ADGRL3: variants seen among roughly 807,000 people sequenced by gnomAD.
ADGRL3 encodes the protein calcium-independent alpha-latrotoxin receptor 3.
In ADGRL3, 62 loss-of-function variants were observed where a neutral mutation model predicts 153.5. The ratio of observed to expected loss-of-function variants is 0.40; its 90% CI spans 0.33 to 0.50. The LOEUF (loss-of-function observed/expected upper bound fraction) is 0.50, where lower values mean the gene tolerates loss of function less well. ADGRL3 is among the 20% of genes least tolerant of loss of function. The pLI is 0.47. For missense variants in ADGRL3, 1,641 were observed against 1,859.4 expected (o/e 0.88, Z 2.16); for synonymous variants, 710 against 672.5 (o/e 1.06, Z -0.86).
intron 11 of ADGRL3, among the ~76,000 whole-genome samples, chr4:61,907,200 T>C (rs2098699910): frequency 6.6e-6 from 1 of 152,060 alleles, no homozygotes; most frequent in African/African-American, 2.4e-5. Flanking sequence ...TTCCCAAAAG[T>C]AAGAGGAGGA....
intron 1 of ADGRL3, among the ~76,000 whole-genome samples, chr4:61,380,085 T>C (rs1188585932): frequency 6.6e-6 from 1 of 151,980 alleles, no homozygotes; most frequent in Admixed American, 6.6e-5. Context: ...AAAATGTATG[T>C]AAATTATTTA....
chr4:61,656,865 CTGCT>C (rs1441447002), intron 5 of ADGRL3, among the ~76,000 whole-genome samples: 1 of 152,130 alleles, frequency 6.6e-6, no homozygotes, highest in Non-Finnish European at 1.5e-5. Flanking sequence ...GACATTTCAG[CTGCT>C]TAATTTTTCT....
At chr4:61,779,239 A>G (rs1460459090) in intron 8 of ADGRL3, among the ~76,000 whole-genome samples, 3 of 152,146 alleles carry the variant, frequency 2.0e-5, no homozygotes, top group African/African-American at 7.2e-5. Context: ...GATTACACTT[A>G]ACTGAATTTT....
intron 4 of ADGRL3, among the ~76,000 whole-genome samples, chr4:61,562,591 G>T (rs2148995748): frequency 6.6e-6 from 1 of 152,138 alleles, no homozygotes; most frequent in African/African-American, 2.4e-5. Context: ...AAACTACTTT[G>T]CTCATCCCCA....
chr4:61,812,479 A>G (rs1481877367), intron 8 of ADGRL3, among the ~76,000 whole-genome samples: 1 of 152,212 alleles, frequency 6.6e-6, no homozygotes, highest in African/African-American at 2.4e-5. Context: ...TGTATCATTA[A>G]CTTTCCTTGT....
At chr4:62,048,619 T>A (rs1732451751) in intron 25 of ADGRL3, among the ~76,000 whole-genome samples, 1 of 152,092 alleles carries the variant, frequency 6.6e-6, no homozygotes, top group Non-Finnish European at 1.5e-5. Context: ...TGCAATAGCA[T>A]GATCATAGCT....
chr4:61,954,124 T>C, intron 17 of ADGRL3, among the ~76,000 whole-genome samples: 1 of 152,182 alleles, frequency 6.6e-6, no homozygotes, highest in East Asian at 1.9e-4. Flanking sequence ...GATATAACTA[T>C]TCTAGAACTA....
intron 4 of ADGRL3, among the ~76,000 whole-genome samples, chr4:61,532,133 T>A (rs2098622057): frequency 6.6e-6 from 1 of 152,202 alleles, no homozygotes; most frequent in Non-Finnish European, 1.5e-5. Context: ...AGGCATACCT[T>A]AATTTATACA....
At chr4:61,278,190 A>C (rs1012809594) in intron 1 of ADGRL3, among the ~76,000 whole-genome samples, 15 of 152,092 alleles carry the variant, frequency 9.9e-5, no homozygotes, top group African/African-American at 3.6e-4. Flanking sequence ...GCCTATAGTT[A>C]TGTCATGAAT....
intron 4 of ADGRL3, among the ~76,000 whole-genome samples, chr4:61,564,242 G>A (rs2098807562): frequency 1.3e-5 from 2 of 151,852 alleles, no homozygotes; most frequent in African/African-American, 4.8e-5. Context: ...TCGTTTTGGG[G>A]GGCTTTGTTT....
At chr4:61,657,156 C>T (rs1435840497) in intron 5 of ADGRL3, among the ~76,000 whole-genome samples, 1 of 152,122 alleles carries the variant, frequency 6.6e-6, no homozygotes, top group Non-Finnish European at 1.5e-5. Context: ...TAGAGTTCTC[C>T]ATTTTCCCCA....
chr4:61,372,867 T>A (rs1433237244), intron 1 of ADGRL3, among the ~76,000 whole-genome samples: 1 of 152,134 alleles, frequency 6.6e-6, no homozygotes, highest in East Asian at 1.9e-4. Context: ...ACTGCTGTGC[T>A]AGCAATCAGC....
At chr4:61,579,544 A>G (rs779150377) in intron 4 of ADGRL3, 2 of 497,920 alleles carry the variant, frequency 4.0e-6, no homozygotes, top group Non-Finnish European at 7.9e-6. Flanking sequence ...ATCCTCAGGT[A>G]GACGATTTCA....
intron 8 of ADGRL3, among the ~76,000 whole-genome samples, chr4:61,801,742 A>G (rs2097500220): frequency 6.6e-6 from 1 of 152,128 alleles, no homozygotes; most frequent in African/African-American, 2.4e-5. Flanking sequence ...TATATTTGTT[A>G]AGGGATTTGT....
intron 1 of ADGRL3, among the ~76,000 whole-genome samples, chr4:61,265,448 T>TC (rs968162294): frequency 6.6e-6 from 1 of 151,832 alleles, no homozygotes; most frequent in African/African-American, 2.4e-5. Flanking sequence ...ACTTCCTATA[T>TC]CCCTGGGACA....
intron 1 of ADGRL3, among the ~76,000 whole-genome samples, chr4:61,311,593 C>T (rs1383436147): frequency 6.6e-6 from 1 of 152,140 alleles, no homozygotes; most frequent in African/African-American, 2.4e-5. Context: ...GTTACTCACA[C>T]CTAACTACCT....
chr4:61,706,406 A>G (rs1384046500), intron 6 of ADGRL3, among the ~76,000 whole-genome samples: 1 of 138,706 alleles, frequency 7.2e-6, no homozygotes, highest in African/African-American at 2.8e-5. Context: ...TGGGTGGGTG[A>G]CAGAGTGAGA....
chr4:61,827,154 C>T (rs1270198120), intron 9 of ADGRL3, among the ~76,000 whole-genome samples: 3 of 152,180 alleles, frequency 2.0e-5, no homozygotes, highest in African/African-American at 7.2e-5. Context: ...AATAAATACC[C>T]TGGGGTTAAA....
chr4:62,072,510 T>C lies in ADGRL3; in HGVS notation c.*1602T>C, dbSNP rs1236655072. 6.6e-6 allele frequency: 1 copy of C among 152,598 alleles called. No homozygotes were observed. The highest frequency in any genetic ancestry group is 1.5e-5 in the Non-Finnish European group (1 of 68,044). 9.5% of individuals were successfully genotyped at this position (152,598 alleles called of 1,614,324 possible). ...TATTTTTCTCGCCTTTCTTTCTTTC[T>C]GTTTTCAATACATAAACTTTGCTAA... On this transcript the variant is annotated 3_prime_UTR_variant, in exon 27 of 27. Coordinates refer to ENST00000683033, the MANE Select transcript of ADGRL3 (RefSeq NM_001387552.1).
Sources: allele counts gnomAD v4.1 joint callset (sites outside exome capture counted in the v4.1 genomes callset), GRCh38; gene constraint gnomAD v4.1.1; transcripts MANE v1.5; gene names NCBI Gene and HGNC (gene_info 2026-07-23, HGNC 2026-07-21).